The following CLDN14 variants were observed in gnomAD, a reference collection of about 807,000 sequenced individuals.
The protein encoded by CLDN14 is claudin 14, also known as claudin-14.
In CLDN14, 2 loss-of-function variants were observed where a neutral mutation model predicts 2.1. The ratio of observed to expected loss-of-function variants is 0.96; its 90% CI spans 0.39 to 3.01. The LOEUF is 3.01. Ranked by LOEUF, CLDN14 falls within the 30% of genes most tolerant of loss-of-function variation. The probability of loss-of-function intolerance (pLI) is 0.09; values close to 1 mark genes in which losing one functional copy is unlikely to be tolerated. For missense variants in CLDN14, 298 were observed against 328.0 expected, an observed-to-expected ratio of 0.91 and a Z score of 0.71; for synonymous variants, 136 against 154.4, an observed-to-expected ratio of 0.88 and a Z score of 0.88.
chr21:36,559,984 A>G (rs1211606973), intron 1 of CLDN14, among the ~76,000 whole-genome samples: 1 of 152,220 alleles, frequency 6.6e-6, no homozygotes, highest in Non-Finnish European at 1.5e-5. Context: ...AAGAATAAAT[A>G]CAAATATCAA....
chr21:36,566,891 G>T (rs894675328), intron 1 of CLDN14, among the ~76,000 whole-genome samples: 1 of 152,188 alleles, frequency 6.6e-6, no homozygotes, highest in Non-Finnish European at 1.5e-5. Context: ...TGGGTGAGGA[G>T]GCCGGAAGAC....
At chr21:36,531,183 A>G (rs1236449598) in intron 1 of CLDN14, among the ~76,000 whole-genome samples, 3 of 152,156 alleles carry the variant, frequency 2.0e-5, no homozygotes, top group African/African-American at 7.2e-5. Context: ...AGCCGAGATC[A>G]TGCCACTGCA....
intron 2 of CLDN14, among the ~76,000 whole-genome samples, chr21:36,490,949 GACACACACAC>G (rs3030068): frequency 0.01 from 1,502 of 148,856 alleles, 4 homozygotes; most frequent in Non-Finnish European, 0.012. Context: ...CAAGTGCACA[GACACACACAC>G]ACACACACAC....
At chr21:36,569,208 G>A (rs1415350203) in intron 1 of CLDN14, among the ~76,000 whole-genome samples, 2 of 152,228 alleles carry the variant, frequency 1.3e-5, no homozygotes, top group Admixed American at 1.3e-4. Context: ...ACAAGGTCAG[G>A]AGTTCGAGAC....
intron 1 of CLDN14, among the ~76,000 whole-genome samples, chr21:36,462,210 G>A (rs2086586760): frequency 6.6e-6 from 1 of 152,228 alleles, no homozygotes; most frequent in Non-Finnish European, 1.5e-5. Flanking sequence ...AGGATGAGGG[G>A]TTTTCTGAAG....
chr21:36,563,124 G>A (rs1005182271), intron 1 of CLDN14, among the ~76,000 whole-genome samples: 2 of 152,114 alleles, frequency 1.3e-5, no homozygotes, highest in African/African-American at 4.8e-5. Flanking sequence ...ATTAATGATA[G>A]CAGCCTGAGA....
intron 1 of CLDN14, among the ~76,000 whole-genome samples, chr21:36,513,300 C>T (rs1487306746): frequency 1.3e-5 from 2 of 152,152 alleles, no homozygotes; most frequent in African/African-American, 4.8e-5. Flanking sequence ...AGGATAGCAC[C>T]GTTTCTGGAT....
At chr21:36,486,616 GC>G (rs2086900035) in intron 2 of CLDN14, 22 of 1,539,840 alleles carry the variant, frequency 1.4e-5, no homozygotes, top group African/African-American at 2.7e-5. Context: ...TTCCATCTTT[GC>G]CATTCAACGT....
At chr21:36,476,723 T>C (rs1490357948) in intron 1 of CLDN14, among the ~76,000 whole-genome samples, 1 of 152,364 alleles carries the variant, frequency 6.6e-6, no homozygotes. Context: ...AGTGCTGGGA[T>C]TGTAGGCGTG....
intron 1 of CLDN14, among the ~76,000 whole-genome samples, chr21:36,529,305 G>A (rs1447701902): frequency 6.6e-6 from 1 of 151,014 alleles, no homozygotes; most frequent in Non-Finnish European, 1.5e-5. Context: ...TTTTTTTTGA[G>A]AGGGTGTCTT....
In CLDN14 at chr21:36,540,443, A is replaced by G. The variant is rs568017230; in HGVS notation, c.-219-29943T>C. Among the ~76,000 whole-genome samples the G allele has an allele frequency of 4.0e-4, 61 of 152,336 alleles. 1 individual carries two copies. The South Asian group carries it at 7.0e-3, about 18-fold the overall frequency. On this transcript the variant is annotated intron_variant, in intron 1 of 2. Coordinates refer to the CLDN14 transcript ENST00000342108. Reference sequence around the variant, plus strand: ...TGCGGGTATGGAGAGCCAACTGTACATCACATAGGAACATATCTAATTACC... The same window carrying G: ...TGCGGGTATGGAGAGCCAACTGTACGTCACATAGGAACATATCTAATTACC...
chr21:36,486,744 T>G (rs145081590), intron 2 of CLDN14: 22,281 of 970,052 alleles, frequency 0.023, 328 homozygotes, highest in Non-Finnish European at 0.029. Context: ...TCCTTCTCAT[T>G]GCCTTTGGGC....
At chr21:36,464,762 G>A (rs542963141) in intron 1 of CLDN14, among the ~76,000 whole-genome samples, 1 of 152,362 alleles carries the variant, frequency 6.6e-6, no homozygotes, top group East Asian at 1.9e-4. Context: ...AACCTAATGT[G>A]GCAGTGACTG....
chr21:36,547,068 G>C (rs2087530733), intron 1 of CLDN14, among the ~76,000 whole-genome samples: 1 of 152,152 alleles, frequency 6.6e-6, no homozygotes, highest in South Asian at 2.1e-4. Context: ...ATGGTGCTGA[G>C]GTTGTGCACT....
At chr21:36,531,288 A>AT (rs1198996066) in intron 1 of CLDN14, among the ~76,000 whole-genome samples, 19 of 146,658 alleles carry the variant, frequency 1.3e-4, no homozygotes, top group African/African-American at 5.2e-4. Context: ...ATTTGCTATA[A>AT]ATGTTTTTTT....
chr21:36,576,488 C>G (rs1204323861), exon 1 of CLDN14: 1 of 152,610 alleles, frequency 6.6e-6, no homozygotes, highest in African/African-American at 2.4e-5. Flanking sequence ...ATCTTACTCC[C>G]TCTCTTGGCA....
intron 1 of CLDN14, among the ~76,000 whole-genome samples, chr21:36,554,557 T>C (rs2146519583): frequency 6.6e-6 from 1 of 152,280 alleles, no homozygotes; most frequent in Admixed American, 6.5e-5. Flanking sequence ...GCAAGATGGA[T>C]ACTATAATTA....
intron 1 of CLDN14, among the ~76,000 whole-genome samples, chr21:36,520,903 T>G (rs534381471): frequency 1.3e-5 from 2 of 152,040 alleles, no homozygotes; most frequent in Non-Finnish European, 2.9e-5. Flanking sequence ...ACGCTCCCCA[T>G]GGACTGGGCT....
chr21:36,493,533 A>G (rs948606201), intron 2 of CLDN14, among the ~76,000 whole-genome samples: 2 of 152,112 alleles, frequency 1.3e-5, no homozygotes, highest in Admixed American at 1.3e-4. Flanking sequence ...TATAATCCAG[A>G]AAACTCAGGA....
Sources: gnomAD v4.1 joint callset for allele counts (sites outside exome capture counted in the v4.1 genomes callset) on GRCh38, gnomAD v4.1.1 for gene constraint, MANE v1.5 for transcripts, NCBI Gene and HGNC (gene_info 2026-07-23, HGNC 2026-07-21) for gene names.